The following ARID4B variants were observed in gnomAD, a reference collection of about 807,000 sequenced individuals.
ARID4B encodes the protein AT-rich interaction domain 4B, also known as AT-rich interactive domain-containing protein 4B.
In ARID4B, 26 loss-of-function variants were observed where a neutral mutation model predicts 147.5. The ratio of observed to expected loss-of-function variants is 0.18; its 90% CI spans 0.13 to 0.24. ARID4B has a LOEUF of 0.24. Among genes scored for constraint, ARID4B ranks in the 10% least tolerant of loss-of-function variants. The probability of loss-of-function intolerance (pLI) is 1.00; values close to 1 mark genes in which losing one functional copy is unlikely to be tolerated. For synonymous variants in ARID4B, 512 were observed against 507.9 expected (o/e 1.01, Z -0.11); for missense variants, 1,179 against 1,511.5 (o/e 0.78, Z 3.65).
intron 8 of ARID4B, among the ~76,000 whole-genome samples, chr1:235,236,858 ATATATTTTTTTTT>A (rs1454802063): frequency 7.6e-5 from 2 of 26,376 alleles, no homozygotes; most frequent in African/African-American, 2.2e-4. Context: ...ATATATATAT[ATATATTTTTTTTT>A]TTTTTTTTTT....
chr1:235,268,929 CA>C (rs1157697632), intron 2 of ARID4B, among the ~76,000 whole-genome samples: 1 of 152,148 alleles, frequency 6.6e-6, no homozygotes, highest in Non-Finnish European at 1.5e-5. Context: ...AGGGACATTT[CA>C]AACAGACACA....
intron 19 of ARID4B, chr1:235,190,039 T>C (rs1349246057): frequency 6.5e-6 from 1 of 154,292 alleles, no homozygotes; most frequent in African/African-American, 2.4e-5. Flanking sequence ...AAAATATATC[T>C]ACACAAGGCT....
chr1:235,246,624 C>A lies in ARID4B; in HGVS notation c.355-113G>T, dbSNP rs1669314454. On this transcript the variant is annotated intron_variant, in intron 6 of 23. Coordinates refer to ENST00000264183, the MANE Select transcript of ARID4B (RefSeq NM_016374.6). ...CAGATTTTGAGATTAAACTCTCCCCCCAGGGAAGCTAAAACACAGCTTTCC... is the reference window on the plus strand; with the variant it reads ...CAGATTTTGAGATTAAACTCTCCCCACAGGGAAGCTAAAACACAGCTTTCC... 5 of 688,340 alleles carry A rather than the reference C, an allele frequency of 7.3e-6. No homozygotes were observed. In the Admixed American group the frequency reaches 1.1e-4, roughly 15 times the overall value. The allele number at this position is 688,340 out of a possible 1,614,324, so 42.6% of individuals were successfully genotyped here.
At chr1:235,307,314 G>A (rs1022161419) in intron 2 of ARID4B, among the ~76,000 whole-genome samples, 3 of 152,238 alleles carry the variant, frequency 2.0e-5, no homozygotes, top group Admixed American at 6.5e-5. Flanking sequence ...ATGTGGTGGC[G>A]CAAGCCTGTA....
intron 2 of ARID4B, among the ~76,000 whole-genome samples, chr1:235,283,355 C>T (rs940470867): frequency 1.3e-5 from 2 of 152,092 alleles, no homozygotes; most frequent in Admixed American, 1.3e-4. Flanking sequence ...CATAAACTTA[C>T]CTACTAATTC....
chr1:235,249,044 G>A (rs1367602897), intron 6 of ARID4B, among the ~76,000 whole-genome samples: 1 of 152,148 alleles, frequency 6.6e-6, no homozygotes, highest in Non-Finnish European at 1.5e-5. Flanking sequence ...AAGAATACCA[G>A]ATAATTGGCT....
chr1:235,177,788 T>G lies in ARID4B; in HGVS notation c.3448+12A>C, dbSNP rs752704715. On this transcript the variant is annotated intron_variant, in intron 21 of 23. Coordinates refer to ENST00000264183, the MANE Select transcript of ARID4B (RefSeq NM_016374.6). ...ATTTTTATATTTTAAAAATTAGAGA[T>G]TTCACACTTACTGCCTTTTCCCTTC... 5.5e-5 allele frequency: 85 copies of G among 1,554,752 alleles called. No homozygotes were observed. The highest frequency in any genetic ancestry group is 7.5e-5 in the Non-Finnish European group (85 of 1,137,598).
chr1:235,246,218 G>C (rs985179461), intron 7 of ARID4B, among the ~76,000 whole-genome samples: 9 of 152,176 alleles, frequency 5.9e-5, no homozygotes, highest in Non-Finnish European at 1.5e-5. Context: ...GAAATTGAAG[G>C]CAGATACAGC....
At chr1:235,312,284 C>CAAAGA (rs61523974) in intron 2 of ARID4B, among the ~76,000 whole-genome samples, 19,642 of 151,458 alleles carry the variant, frequency 0.13, 1,487 homozygotes, top group African/African-American at 0.19. Context: ...CAGTCCGTCT[C>CAAAGA]AAAGAAAAGA....
At chr1:235,283,592 T>A (rs1359267945) in intron 2 of ARID4B, among the ~76,000 whole-genome samples, 12 of 152,152 alleles carry the variant, frequency 7.9e-5, no homozygotes, top group African/African-American at 2.9e-4. Flanking sequence ...ATGCTTTATG[T>A]TCATTATTAA....
intron 2 of ARID4B, among the ~76,000 whole-genome samples, chr1:235,293,363 A>G (rs1247909382): frequency 6.6e-6 from 1 of 152,224 alleles, no homozygotes; most frequent in East Asian, 1.9e-4. Flanking sequence ...TTTAAAAACC[A>G]AACATTGTAA....
At chr1:235,207,021 G>A (rs1666348943) in intron 17 of ARID4B, among the ~76,000 whole-genome samples, 2 of 152,192 alleles carry the variant, frequency 1.3e-5, no homozygotes, top group African/African-American at 4.8e-5. Flanking sequence ...AGTCAAGAAG[G>A]GATGCTTATG....
At chr1:235,255,419 G>T (rs995508458) in intron 5 of ARID4B, among the ~76,000 whole-genome samples, 1 of 151,760 alleles carries the variant, frequency 6.6e-6, no homozygotes, top group Admixed American at 6.6e-5. Context: ...GATATACTTT[G>T]AAGTAAAAAA....
chr1:235,308,900 A>G (rs1030744624), intron 2 of ARID4B, among the ~76,000 whole-genome samples: 9 of 151,946 alleles, frequency 5.9e-5, no homozygotes, highest in Non-Finnish European at 1.3e-4. Context: ...CTGCCACCCC[A>G]TCTGGGAAGT....
At chr1:235,326,000 C>CT (rs1457194347) in intron 2 of ARID4B, among the ~76,000 whole-genome samples, 4 of 152,104 alleles carry the variant, frequency 2.6e-5, no homozygotes, top group African/African-American at 9.7e-5. Flanking sequence ...TTCTAACATG[C>CT]TATCTGTTGC....
At chr1:235,315,193 G>A (rs1674346772) in intron 2 of ARID4B, among the ~76,000 whole-genome samples, 1 of 152,196 alleles carries the variant, frequency 6.6e-6, no homozygotes, top group African/African-American at 2.4e-5. Context: ...GGAGGCCAAG[G>A]TGGGAGGATC....
intron 20 of ARID4B, among the ~76,000 whole-genome samples, chr1:235,178,146 C>T (rs1268221806): frequency 6.6e-6 from 1 of 151,912 alleles, no homozygotes; most frequent in South Asian, 2.1e-4. Flanking sequence ...GTATGCACAT[C>T]CTTCTTTAAA....
chr1:235,175,342 G>T lies in ARID4B; in HGVS notation c.3506C>A (p.Pro1169Gln), dbSNP rs775654862. Residue 1169 changes from proline to glutamine, a missense_variant, in exon 22 of 24, where the codon CCA (proline) becomes CAA (glutamine). By Grantham distance (76) the Pro-to-Gln change is moderately conservative. Around this residue, in one of 10 missense-constraint regions of ARID4B, gnomAD observed 357 missense variants for 427.3 expected, o/e 0.84. Coordinates refer to ENST00000264183, the MANE Select transcript of ARID4B (RefSeq NM_016374.6). ...SAGESITKSQ[P>Q]VKSVSTGMKS... Reference sequence around the variant, plus strand: ...CATTCCAGTGGAAACTGATTTGACTGGCTGACTCTTAGTTATACTTTCACC... The same window carrying T: ...CATTCCAGTGGAAACTGATTTGACTTGCTGACTCTTAGTTATACTTTCACC... The T allele has an allele frequency of 6.2e-7, 1 of 1,614,076 alleles. No individual in the cohort carries two copies. Among genetic ancestry groups the T allele is most frequent in the South Asian group, 1.1e-5 (1 of 91,084 alleles).
At chr1:235,287,270 A>AC (rs1553311682) in intron 2 of ARID4B, among the ~76,000 whole-genome samples, 2 of 149,224 alleles carry the variant, frequency 1.3e-5, no homozygotes, top group African/African-American at 2.5e-5. Context: ...GAAAAAATAA[A>AC]TTTTTTTTTT....
Sources: allele counts gnomAD v4.1 joint callset (sites outside exome capture counted in the v4.1 genomes callset), GRCh38; gene constraint gnomAD v4.1.1; regional missense constraint gnomAD v4.1.1; transcripts MANE v1.5; gene names NCBI Gene and HGNC (gene_info 2026-07-23, HGNC 2026-07-21).